The following SPOUT1 variants were observed in gnomAD, a reference collection of about 807,000 sequenced individuals.
The protein encoded by SPOUT1 is 28S rRNA (uridine-N(3))-methyltransferase.
A neutral mutation model predicts 54.8 loss-of-function variants in SPOUT1; 40 were observed. That is an observed-to-expected ratio of 0.73 (90% CI 0.57 to 0.95). SPOUT1 has a LOEUF of 0.95. Ranked by LOEUF, SPOUT1 falls within the 40% of genes least tolerant of loss-of-function variation. The pLI is 0.00. For synonymous variants in SPOUT1, 193 were observed against 200.3 expected (o/e 0.96, Z 0.31); for missense variants, 437 against 499.5 (o/e 0.87, Z 1.19).
intron 9 of SPOUT1, 22 bp downstream of exon 9, chr9:128,824,749 G>T (rs1489652720): frequency 6.5e-6 from 10 of 1,548,760 alleles, no homozygotes; most frequent in South Asian, 1.1e-5. Flanking sequence ...TGGATATTCA[G>T]AGAAGTAAGG....
chr9:128,824,406 A>C (rs1050453141), intron 9 of SPOUT1, among the ~76,000 whole-genome samples: 2 of 151,834 alleles, frequency 1.3e-5, no homozygotes, highest in Non-Finnish European at 2.9e-5. Context: ...TGTTCCTGGA[A>C]AGTCAAGGAC....
At chr9:128,828,628 G>T in intron 3 of SPOUT1, 107 bp downstream of exon 3, 3 of 1,201,802 alleles carry the variant, frequency 2.5e-6, no homozygotes, top group Non-Finnish European at 3.6e-6. Flanking sequence ...CAAGATGTTT[G>T]GACCTACTGG....
At position 128,822,758 on chromosome 9, in the gene SPOUT1, A is replaced by T. The variant is rs370441377; in HGVS notation, c.*7T>A. 1 of 1,572,200 alleles carries T rather than the reference A, an allele frequency of 6.4e-7. No individual in the cohort carries two copies. The highest frequency in any genetic ancestry group is 1.3e-5 in the African/African-American group (1 of 74,166). The stretch of plus-strand genomic sequence containing the variant: ...GCTTCACTGATGTCCTCGGCCCCTT[A>T]GAACTTTCAGGTGTGCCGGGCACCC... On this transcript the variant is annotated 3_prime_UTR_variant, in exon 12 of 12. Transcript: ENST00000361256.
rs1040566923 is a variant in SPOUT1 at position 128,820,443 on chromosome 9, G to A, written c.*2322C>T. 16 of 362,346 alleles carry A rather than the reference G, an allele frequency of 4.4e-5. No individual in the cohort carries two copies. Among genetic ancestry groups the A allele is most frequent in the African/African-American group, 3.1e-4 (15 of 48,490 alleles). The allele number at this position is 362,346 out of a possible 1,614,324, so 22.4% of individuals were successfully genotyped here. ...TTCCCAGGAGACCCTGGGTGGGGCTGGGGACAGGCCTCAGTCCTCTCTGAA... is the reference window on the plus strand; with the variant it reads ...TTCCCAGGAGACCCTGGGTGGGGCTAGGGACAGGCCTCAGTCCTCTCTGAA... On this transcript the variant is annotated 3_prime_UTR_variant, in exon 12 of 12. Transcript: ENST00000361256.
rs750663648 is a variant in SPOUT1, at chr9:128,822,458, G to A, written c.*307C>T. The A allele has an allele frequency of 1.9e-6, 3 of 1,580,688 alleles. No individual in the cohort carries two copies. The highest frequency in any genetic ancestry group is 2.3e-5 in the East Asian group (1 of 42,946). The stretch of plus-strand genomic sequence containing the variant: ...TGGGCAAATTGAGCTCCGCACCTAC[G>A]TGATGCCCAACGCACCTGTGGATGA... On this transcript the variant is annotated 3_prime_UTR_variant, in exon 12 of 12. Transcript: ENST00000361256.
At chr9:128,823,127 G>A (rs928626683) in intron 11 of SPOUT1, among the ~76,000 whole-genome samples, 5 of 150,856 alleles carry the variant, frequency 3.3e-5, no homozygotes, top group African/African-American at 1.2e-4. Flanking sequence ...TTCACCCCTC[G>A]TGCAGGGGTT....
At position 128,823,909 on chromosome 9, in the gene SPOUT1, A is replaced by T; in HGVS notation, c.915-15T>A. ...CAAGAGCATGCCTGGCCCATGTAAGAGGGGGTCACCTGAGCGGCCACCGAG... is the reference window on the plus strand; with the variant it reads ...CAAGAGCATGCCTGGCCCATGTAAGTGGGGGTCACCTGAGCGGCCACCGAG... On this transcript the variant is annotated splice_polypyrimidine_tract_variant and intron_variant, in intron 10 of 11. Coordinates refer to ENST00000361256, the MANE Select transcript of SPOUT1 (RefSeq NM_016390.4). 1 of 1,611,644 alleles carries T rather than the reference A, an allele frequency of 6.2e-7. No individual in the cohort carries two copies. The highest frequency in any genetic ancestry group is 8.5e-7 in the Non-Finnish European group (1 of 1,179,246).
At position 128,820,944 on chromosome 9, in the gene SPOUT1, T is replaced by C; in HGVS notation, c.*1821A>G. Reference sequence around the variant, plus strand: ...AGGCTTGCCCCAGGCTCTGGGTCAATACCAGTTCCCTACTCATCTGGTTTC... The same window carrying C: ...AGGCTTGCCCCAGGCTCTGGGTCAACACCAGTTCCCTACTCATCTGGTTTC... On this transcript the variant is annotated 3_prime_UTR_variant, in exon 12 of 12. Transcript: ENST00000361256. The C allele has an allele frequency of 9.0e-7, 1 of 1,107,402 alleles. No individual in the cohort carries two copies. The highest frequency in any genetic ancestry group is 1.3e-6 in the Non-Finnish European group (1 of 754,206). The allele number at this position is 1,107,402 out of a possible 1,614,324, so 68.6% of individuals were successfully genotyped here. A position where few individuals can be genotyped will look rare whatever the true frequency, so the allele number is the denominator to read the frequency against.
intron 11 of SPOUT1, 91 bp from the exon 12 acceptor site, chr9:128,822,924 C>T: frequency 4.3e-6 from 4 of 934,702 alleles, no homozygotes; most frequent in Non-Finnish European, 6.5e-6. Context: ...CTGCCCGAGA[C>T]CTGGCCCACT....
rs574466150 is a variant in SPOUT1 at position 128,824,255 on chromosome 9, G to A, written c.812-81C>T. The A allele has an allele frequency of 2.6e-4, 172 of 659,420 alleles. 4 individuals carry two copies. The highest frequency in any genetic ancestry group is 2.4e-3 in the South Asian group (149 of 61,908). The allele number at this position is 659,420 out of a possible 1,614,324, so 40.8% of individuals were successfully genotyped here. On this transcript the variant is annotated intron_variant, in intron 9 of 11. Coordinates refer to ENST00000361256, the MANE Select transcript of SPOUT1 (RefSeq NM_016390.4). ...GTATTATGTGTGTGTGTACTGAGGC[G>A]GGGGTGGGTGGGAAGAGCTGTGTGG...
chr9:128,824,247 A>G lies in SPOUT1; in HGVS notation c.812-73T>C. 4.5e-6 allele frequency: 3 copies of G among 664,908 alleles called. No homozygotes were observed. In the South Asian group the frequency reaches 4.6e-5, roughly 10 times the overall value. 41.2% of individuals were successfully genotyped at this position (664,908 alleles called of 1,614,324 possible). ...AGCTCCGGGTATTATGTGTGTGTGTACTGAGGCGGGGGTGGGTGGGAAGAG... is the reference window on the plus strand; with the variant it reads ...AGCTCCGGGTATTATGTGTGTGTGTGCTGAGGCGGGGGTGGGTGGGAAGAG... On this transcript the variant is annotated intron_variant, in intron 9 of 11. Transcript: ENST00000361256.
Position 128,826,724 on chromosome 9 carries a change from G to A in SPOUT1, c.369-95C>T. On this transcript the variant is annotated intron_variant, in intron 4 of 11. Transcript: ENST00000361256. This position sits in a 1 kb window ranked among gnomAD's most constrained non-coding sequence, Gnocchi z 5.5. ...CGCGTATAATCCCAGCTACTCAGGA[G>A]GCTAAGGTGGGAGGATCATCTGAGT... 1.1e-6 allele frequency: 1 copy of A among 896,740 alleles called. No homozygotes were observed. The highest frequency in any genetic ancestry group is 2.5e-5 in the East Asian group (1 of 40,238). 55.5% of individuals were successfully genotyped at this position (896,740 alleles called of 1,614,324 possible). A position where few individuals can be genotyped will look rare whatever the true frequency, so the allele number is the denominator to read the frequency against.
Position 128,828,840 on chromosome 9 carries a change from A to AT in SPOUT1, c.102dup (p.Trp35MetfsTer77), listed in dbSNP as rs749421754. 1.5e-4 allele frequency: 238 copies of AT among 1,590,100 alleles called. No individual in the cohort carries two copies. The highest frequency in any genetic ancestry group is 1.8e-4 in the Non-Finnish European group (209 of 1,162,542). ...TTTTTCATCAGCTTGAGATCCTTCCATTTTTTTTTCTCCTCTTTCTCTGGA... is the reference window on the plus strand; with the variant it reads ...TTTTTCATCAGCTTGAGATCCTTCCATTTTTTTTTTCTCCTCTTTCTCTGGA... On this transcript the variant is annotated frameshift_variant, in exon 3 of 12. Coordinates refer to ENST00000361256, the MANE Select transcript of SPOUT1 (RefSeq NM_016390.4). LOFTEE classifies it high-confidence loss of function.
chr9:128,828,058 G>T (rs1830274901), intron 3 of SPOUT1, among the ~76,000 whole-genome samples: 1 of 152,236 alleles, frequency 6.6e-6, no homozygotes, highest in Admixed American at 6.5e-5. Flanking sequence ...TGCTGGGATT[G>T]TTCCTGTCTT....
At position 128,820,921 on chromosome 9, in the gene SPOUT1, G is replaced by A. The variant is rs1376085844; in HGVS notation, c.*1844C>T. ...CCCCTACTGCCACTCACAGGGCCAG[G>A]CTTGCCCCAGGCTCTGGGTCAATAC... On this transcript the variant is annotated 3_prime_UTR_variant, in exon 12 of 12. Transcript: ENST00000361256. The A allele has an allele frequency of 2.2e-5, 30 of 1,379,006 alleles. No homozygotes were observed. The highest frequency in any genetic ancestry group is 3.0e-5 in the Non-Finnish European group (30 of 991,830). The allele number at this position is 1,379,006 out of a possible 1,614,324, so 85.4% of individuals were successfully genotyped here.
rs79757572 is a variant in SPOUT1, at chr9:128,828,161, A to G, written c.208+574T>C. On this transcript the variant is annotated intron_variant, in intron 3 of 11. Transcript: ENST00000361256. Reference sequence around the variant, plus strand: ...AAAATGCTCAATAAAAAAGTCAAAAAATCAGGAAGATCATGAAGTTCTAGA... The same window carrying G: ...AAAATGCTCAATAAAAAAGTCAAAAGATCAGGAAGATCATGAAGTTCTAGA... Among the ~76,000 whole-genome samples, 80 of 152,244 alleles carry G rather than the reference A, an allele frequency of 5.3e-4. 1 individual carries two copies. The East Asian group carries it at 0.014, about 28-fold the overall frequency.
chr9:128,829,743 A>C lies in SPOUT1; in HGVS notation c.36+2T>G, dbSNP rs1830316179. The C allele has an allele frequency of 1.3e-6, 2 of 1,599,348 alleles. No homozygotes were observed. Among genetic ancestry groups the C allele is most frequent in the African/African-American group, 1.3e-5 (1 of 74,698 alleles). ...GCACGGGGTCCCGCCGCCCGCACTT[A>C]CCGGGCCGCACGGCCGCTTCCTGCC... On this transcript the variant is annotated splice_donor_variant, in intron 1 of 11. Transcript: ENST00000361256. LOFTEE classifies it high-confidence loss of function.
Position 128,822,601 on chromosome 9 carries a change from C to T in SPOUT1, c.*164G>A. On this transcript the variant is annotated 3_prime_UTR_variant, in exon 12 of 12. Transcript: ENST00000361256. ...GCAGCCTCAAGGCCATCACGGCGGGCAGTAAGTGAGGGTGGAGCCCAGTGA... is the reference window on the plus strand; with the variant it reads ...GCAGCCTCAAGGCCATCACGGCGGGTAGTAAGTGAGGGTGGAGCCCAGTGA... 6.4e-7 allele frequency: 1 copy of T among 1,569,182 alleles called. No individual in the cohort carries two copies. Among genetic ancestry groups the T allele is most frequent in the Non-Finnish European group, 8.6e-7 (1 of 1,157,034 alleles).
intron 3 of SPOUT1, among the ~76,000 whole-genome samples, chr9:128,828,456 G>A (rs997164146): frequency 6.7e-6 from 1 of 148,438 alleles, no homozygotes; most frequent in African/African-American, 2.5e-5. Flanking sequence ...AGATGGCGCC[G>A]TTGCACTCCA....
Sources: gnomAD v4.1 joint callset for allele counts (sites outside exome capture counted in the v4.1 genomes callset) on GRCh38, gnomAD v4.1.1 for gene constraint, Gnocchi (gnomAD v3.1) non-coding constraint, MANE v1.5 for transcripts, NCBI Gene and HGNC (gene_info 2026-07-23, HGNC 2026-07-21) for gene names.